MDFIC2: variants seen among roughly 807,000 people sequenced by gnomAD.
The protein encoded by MDFIC2 is MyoD family inhibitor domain containing 2.
intron 2 of MDFIC2, among the ~76,000 whole-genome samples, chr3:70,211,531 TTTGCCCTTCCC>T (rs1232664221): frequency 1.4e-4 from 2 of 14,144 alleles, no homozygotes; most frequent in African/African-American, 3.5e-4. Context: ...TTCCCTTCCC[TTTGCCCTTCCC>T]TTCCCTTCCC....
intron 2 of MDFIC2, among the ~76,000 whole-genome samples, chr3:70,284,438 T>C (rs1191346700): frequency 1.3e-5 from 2 of 152,094 alleles, no homozygotes; most frequent in Non-Finnish European, 2.9e-5. Flanking sequence ...CCTCTCACTT[T>C]GAAGAATGAC....
intron 2 of MDFIC2, among the ~76,000 whole-genome samples, chr3:70,273,007 C>T (rs1701988818): frequency 6.6e-6 from 1 of 152,196 alleles, no homozygotes; most frequent in South Asian, 2.1e-4. Context: ...ATCACTTCCT[C>T]CCTTATCACT....
Position 70,197,056 on chromosome 3 carries a change from G to A in MDFIC2, c.440C>T (p.Ser147Leu), listed in dbSNP as rs1288353964. The change falls in exon 4 of 4, where the codon TCG (serine) becomes TTG (leucine). Residue 147 changes from serine to leucine, a missense_variant. Ser to Leu is a moderately radical substitution (Grantham distance 145, BLOSUM62 -2). Coordinates refer to ENST00000567252, the MANE Select transcript of MDFIC2 (RefSeq NM_001364677.1). Reference sequence around the variant, plus strand: ...ATCATTCCGAGAGTGGTTTTCATCCGAGGTGTGGTGATACCGGCGAGAGGG... The same window carrying A: ...ATCATTCCGAGAGTGGTTTTCATCCAAGGTGTGGTGATACCGGCGAGAGGG... ...CCPSRRYHHT[S>L]DENHSRNDCS... 12 of 398,420 alleles carry A rather than the reference G, an allele frequency of 3.0e-5. No individual in the cohort carries two copies. The highest frequency in any genetic ancestry group is 4.0e-5 in the Non-Finnish European group (9 of 226,052). 24.7% of individuals were successfully genotyped at this position (398,420 alleles called of 1,614,324 possible).
At chr3:70,232,434 G>T (rs1417953203) in intron 2 of MDFIC2, among the ~76,000 whole-genome samples, 1 of 150,268 alleles carries the variant, frequency 6.7e-6, no homozygotes, top group African/African-American at 2.5e-5. Context: ...ATGGAGTCTC[G>T]CTCTGTCGCC....
chr3:70,238,192 A>T, intron 2 of MDFIC2, among the ~76,000 whole-genome samples: 1 of 151,682 alleles, frequency 6.6e-6, no homozygotes, highest in East Asian at 1.9e-4. Flanking sequence ...CATAGCACCA[A>T]TCCAGGCGTT....
intron 2 of MDFIC2, among the ~76,000 whole-genome samples, chr3:70,254,856 T>C (rs1400408575): frequency 6.6e-6 from 1 of 152,212 alleles, no homozygotes; most frequent in African/African-American, 2.4e-5. Flanking sequence ...CTTATTTCTG[T>C]TTAAAAAACT....
chr3:70,291,609 A>G (rs970930216), intron 2 of MDFIC2, among the ~76,000 whole-genome samples: 16 of 152,198 alleles, frequency 1.1e-4, no homozygotes, highest in Admixed American at 3.3e-4. Context: ...CATCGGATCC[A>G]CAAATGACAA....
chr3:70,294,358 A>G (rs914293617), intron 2 of MDFIC2, among the ~76,000 whole-genome samples: 3 of 152,144 alleles, frequency 2.0e-5, no homozygotes, highest in African/African-American at 7.2e-5. Context: ...ATTCAATTCT[A>G]TTTCAATTTA....
At chr3:70,237,143 G>C (rs747767323) in intron 2 of MDFIC2, among the ~76,000 whole-genome samples, 29 of 152,098 alleles carry the variant, frequency 1.9e-4, no homozygotes, top group Non-Finnish European at 3.1e-4. Flanking sequence ...TGCATATCTG[G>C]TTTTTACTTA....
intron 2 of MDFIC2, among the ~76,000 whole-genome samples, chr3:70,224,402 T>C (rs1194902894): frequency 6.6e-6 from 1 of 152,206 alleles, no homozygotes; most frequent in Non-Finnish European, 1.5e-5. Context: ...CTCCTACCTA[T>C]TCTAGAAGCC....
chr3:70,226,692 C>T (rs1057020592), intron 2 of MDFIC2, among the ~76,000 whole-genome samples: 5 of 146,870 alleles, frequency 3.4e-5, no homozygotes, highest in East Asian at 2.0e-4. Context: ...GAGCCGATAT[C>T]GTGCCACTCC....
chr3:70,229,845 C>T (rs1177167734), intron 2 of MDFIC2, among the ~76,000 whole-genome samples: 1 of 152,100 alleles, frequency 6.6e-6, no homozygotes, highest in East Asian at 1.9e-4. Flanking sequence ...ATATTTGAAA[C>T]AGCTACTGTC....
chr3:70,302,250 T>G (rs1408526440), intron 2 of MDFIC2, among the ~76,000 whole-genome samples: 2 of 152,142 alleles, frequency 1.3e-5, no homozygotes, highest in Non-Finnish European at 2.9e-5. Flanking sequence ...CACATTCCTT[T>G]TTTTATCTTT....
At chr3:70,299,929 G>A (rs2320472) in intron 2 of MDFIC2, among the ~76,000 whole-genome samples, 31,580 of 151,726 alleles carry the variant, frequency 0.21, 3,479 homozygotes, top group South Asian at 0.28. Flanking sequence ...TCCCACACAC[G>A]CCCTTTCTCC....
chr3:70,303,258 C>T (rs999677322), intron 2 of MDFIC2, among the ~76,000 whole-genome samples: 1 of 152,272 alleles, frequency 6.6e-6, no homozygotes, highest in Non-Finnish European at 1.5e-5. Context: ...TGAATTCCCT[C>T]TGAAGAAGCA....
chr3:70,239,512 G>A (rs1015074866), intron 2 of MDFIC2, among the ~76,000 whole-genome samples: 1 of 136,764 alleles, frequency 7.3e-6, no homozygotes, highest in African/African-American at 2.4e-5. Flanking sequence ...GGAAAACAAA[G>A]CCAATCACTT....
At chr3:70,254,926 TA>T (rs1701801111) in intron 2 of MDFIC2, among the ~76,000 whole-genome samples, 1 of 152,226 alleles carries the variant, frequency 6.6e-6, no homozygotes, top group African/African-American at 2.4e-5. Flanking sequence ...CATTCCTCTG[TA>T]ATGGTTTCCT....
intron 2 of MDFIC2, among the ~76,000 whole-genome samples, chr3:70,251,343 A>G (rs1165623356): frequency 3.9e-5 from 6 of 152,132 alleles, no homozygotes; most frequent in African/African-American, 9.7e-5. Context: ...TTCTATGTTC[A>G]TTGTTCACCT....
At chr3:70,213,327 G>C (rs1701368879) in intron 2 of MDFIC2, among the ~76,000 whole-genome samples, 1 of 152,132 alleles carries the variant, frequency 6.6e-6, no homozygotes, top group Admixed American at 6.6e-5. Flanking sequence ...CTTGTGAGCA[G>C]TAAACTCCAG....
Sources: gnomAD v4.1 joint callset for allele counts (sites outside exome capture counted in the v4.1 genomes callset) on GRCh38, gnomAD v4.1.1 for gene constraint, MANE v1.5 for transcripts, NCBI Gene and HGNC (gene_info 2026-07-23, HGNC 2026-07-21) for gene names.